Variants in ABCC4 observed in about 807,000 individuals in gnomAD.
ABCC4 encodes ATP-binding cassette sub-family C member 4.
Under a neutral mutation model 168.5 loss-of-function variants are expected in ABCC4, and 102 were observed. The ratio of observed to expected loss-of-function variants is 0.61; its 90% confidence interval spans 0.52 to 0.71. The LOEUF is 0.71. ABCC4 is among the 30% of genes least tolerant of loss of function. The pLI is 0.00. For missense variants in ABCC4, 1,402 were observed against 1,605.8 expected (o/e 0.87, Z 2.17); for synonymous variants, 617 against 590.7 (o/e 1.04, Z -0.65).
intron 13 of ABCC4, among the ~76,000 whole-genome samples, chr13:95,174,651 A>G (rs2139585456): frequency 6.6e-6 from 1 of 152,370 alleles, no homozygotes; most frequent in East Asian, 1.9e-4. Flanking sequence ...ATACTCAGCA[A>G]TGAAAATACC....
chr13:95,083,488 A>G (rs1278867047), intron 20 of ABCC4, among the ~76,000 whole-genome samples, 198 bp from the exon 21 acceptor site: 1 of 151,222 alleles, frequency 6.6e-6, no homozygotes, highest in Non-Finnish European at 1.5e-5. Context: ...TGTGCCAAAC[A>G]CTATGATATA....
At chr13:95,089,583 A>G (rs1016538525) in intron 20 of ABCC4, among the ~76,000 whole-genome samples, 1 of 152,162 alleles carries the variant, frequency 6.6e-6, no homozygotes, top group Non-Finnish European at 1.5e-5. Flanking sequence ...CTTGGGTGAA[A>G]AAGCAAACAA....
In ABCC4 at chr13:95,185,585, G is replaced by A. The variant is rs573688224; in HGVS notation, c.1545+1116C>T. On this transcript the variant is annotated intron_variant, in intron 11 of 30. Coordinates refer to ENST00000645237, the MANE Select transcript of ABCC4 (RefSeq NM_005845.5). The stretch of plus-strand genomic sequence containing the variant: ...CATCACACCTGTGACAGTCTGTGGC[G>A]GCCTTTTCCAGACAGCATAAAAGAA... Among the ~76,000 whole-genome samples the A allele has an allele frequency of 9.9e-5, 15 of 152,258 alleles. No individual in the cohort carries two copies. In the South Asian group the frequency reaches 1.7e-3, roughly 17 times the overall value.
rs1278727694 is a variant in ABCC4, at chr13:95,096,199, A to C, written c.2536-12909T>G. On this transcript the variant is annotated intron_variant, in intron 20 of 30. Transcript: ENST00000645237. The stretch of plus-strand genomic sequence containing the variant: ...CCATCTCTATGAAAGAAAAAAAAAA[A>C]CATATTCAATGGGCTGGCAGCAGAT... 1.4e-5 allele frequency: 9 copies of C among 642,920 alleles called. No homozygotes were observed. The African/African-American group carries it at 1.5e-4, about 11-fold the overall frequency. 39.8% of individuals were successfully genotyped at this position (642,920 alleles called of 1,614,324 possible).
chr13:95,224,196 AT>A, intron 4 of ABCC4, among the ~76,000 whole-genome samples: 1 of 151,606 alleles, frequency 6.6e-6, no homozygotes, highest in East Asian at 1.9e-4. Context: ...AGAAAAAAAA[AT>A]CAACCCAAAA....
intron 19 of ABCC4, among the ~76,000 whole-genome samples, chr13:95,146,665 G>A (rs748926830): frequency 6.6e-6 from 1 of 152,204 alleles, no homozygotes; most frequent in Non-Finnish European, 1.5e-5. Flanking sequence ...AGAAGAGGGT[G>A]GATCTACTGT....
At chr13:95,195,582 C>A (rs2038390366) in intron 8 of ABCC4, among the ~76,000 whole-genome samples, 1 of 152,158 alleles carries the variant, frequency 6.6e-6, no homozygotes, top group Non-Finnish European at 1.5e-5. Context: ...AAAAAGGTTT[C>A]TATCTCTTAA....
At chr13:95,174,504 CA>C (rs977473704) in intron 13 of ABCC4, among the ~76,000 whole-genome samples, 36 of 152,312 alleles carry the variant, frequency 2.4e-4, no homozygotes, top group Middle Eastern at 6.8e-3. Flanking sequence ...TTCTGATTAG[CA>C]AACAACAATT....
chr13:95,024,728 G>A (rs2031304968), intron 30 of ABCC4, among the ~76,000 whole-genome samples: 3 of 152,080 alleles, frequency 2.0e-5, no homozygotes, highest in Admixed American at 2.0e-4. Context: ...TACATAATTG[G>A]CATGCATATT....
chr13:95,034,650 T>C lies in ABCC4; in HGVS notation c.3825A>G (p.Gln1275=). The change falls in exon 30 of 31, where the codon CAA becomes CAG. Residue 1275 remains glutamine, a synonymous_variant. Coordinates refer to ENST00000645237, the MANE Select transcript of ABCC4 (RefSeq NM_005845.5). ...GGGCAGCGGCTTCTGCCTTGCCCAG[T>C]TGTTGCACCATCTTGTAAAATAGGC... ...KESLFYKMVQ[Q]LGKAEAAALT... is the part of the protein sequence containing the mutation. 1 of 1,614,252 alleles carries C rather than the reference T, an allele frequency of 6.2e-7. No homozygotes were observed. Among genetic ancestry groups the C allele is most frequent in the Non-Finnish European group, 8.5e-7 (1 of 1,180,044 alleles).
rs1207654768 is a variant in ABCC4, at chr13:95,196,663, A to C, written c.1162-1726T>G. The stretch of plus-strand genomic sequence containing the variant: ...AAGGAAGGAAGGAAGGAAGGAAGGA[A>C]GGAAGGAAGGAAGGAAGGAAGGAAG... On this transcript the variant is annotated intron_variant, in intron 8 of 30. Coordinates refer to ENST00000645237, the MANE Select transcript of ABCC4 (RefSeq NM_005845.5). Among the ~76,000 whole-genome samples, 34 of 39,176 alleles carry C rather than the reference A, an allele frequency of 8.7e-4. 1 individual carries two copies. Among genetic ancestry groups the C allele is most frequent in the African/African-American group, 3.6e-3 (33 of 9,070 alleles). 25.7% of individuals were successfully genotyped at this position (39,176 alleles called of 152,430 possible). A position where few individuals can be genotyped will look rare whatever the true frequency, so the allele number is the denominator to read the frequency against.
Position 95,186,830 on chromosome 13 carries a change from A to G in ABCC4, c.1416T>C (p.His472=). The G allele has an allele frequency of 6.2e-7, 1 of 1,614,170 alleles. No homozygotes were observed. Among genetic ancestry groups the G allele is most frequent in the Non-Finnish European group, 8.5e-7 (1 of 1,180,016 alleles). ...LAPSHGLVSV[H]GRIAYVSQQP... ...GCTGAGACACATAGGCAATTCTTCCATGCACGCTGACCAGCCCGTGACTTG... is the reference window on the plus strand; with the variant it reads ...GCTGAGACACATAGGCAATTCTTCCGTGCACGCTGACCAGCCCGTGACTTG... The change falls in exon 11 of 31, where the codon CAT becomes CAC. Residue 472 remains histidine, a synonymous_variant. Transcript: ENST00000645237.
intron 26 of ABCC4, among the ~76,000 whole-genome samples, chr13:95,060,336 CTTTGCTCAGA>C (rs1446815318): frequency 6.6e-6 from 1 of 152,216 alleles, no homozygotes; most frequent in Admixed American, 6.5e-5. Context: ...TATATTTAGT[CTTTGCTCAGA>C]TGTGCTTCCA....
intron 14 of ABCC4, among the ~76,000 whole-genome samples, chr13:95,169,781 G>A (rs2037404209): frequency 6.6e-6 from 1 of 152,166 alleles, no homozygotes; most frequent in Non-Finnish European, 1.5e-5. Flanking sequence ...CTAACTGCTG[G>A]CTATTCCAGG....
chr13:95,077,188 G>A (rs1208604669), intron 21 of ABCC4, among the ~76,000 whole-genome samples: 3 of 152,220 alleles, frequency 2.0e-5, no homozygotes, highest in East Asian at 1.9e-4. Context: ...TTGGGGACAC[G>A]TGACCTAGCA....
chr13:95,175,414 G>A (rs186326531), intron 13 of ABCC4, among the ~76,000 whole-genome samples: 1 of 152,238 alleles, frequency 6.6e-6, no homozygotes, highest in East Asian at 1.9e-4. Context: ...CTGGGTTCAA[G>A]CAATTCTCCT....
At chr13:95,064,480 C>CACACATACACACATACACGT (rs1328936975) in intron 25 of ABCC4, among the ~76,000 whole-genome samples, 1 of 133,552 alleles carries the variant, frequency 7.5e-6, no homozygotes, top group Non-Finnish European at 1.6e-5. Flanking sequence ...GTCTCTCTCA[C>CACACATACACACATACACGT]ACACATACAC....
At chr13:95,272,128 T>A (rs1183413790) in intron 1 of ABCC4, among the ~76,000 whole-genome samples, 1 of 151,782 alleles carries the variant, frequency 6.6e-6, no homozygotes, top group Non-Finnish European at 1.5e-5. Flanking sequence ...CACTGCAACC[T>A]CCACCTCCTA....
intron 21 of ABCC4, among the ~76,000 whole-genome samples, chr13:95,078,195 C>T (rs1193051898): frequency 2.6e-5 from 4 of 152,118 alleles, no homozygotes; most frequent in Admixed American, 2.6e-4. Flanking sequence ...GAGCCTCCCA[C>T]GAGTCCACAG....
Sources: allele counts gnomAD v4.1 joint callset (sites outside exome capture counted in the v4.1 genomes callset), GRCh38; gene constraint gnomAD v4.1.1; transcripts MANE v1.5; gene names NCBI Gene and HGNC (gene_info 2026-07-23, HGNC 2026-07-21).